FRMD4A: variants seen among roughly 807,000 people sequenced by gnomAD.
The protein encoded by FRMD4A is FERM domain-containing protein 4A.
In FRMD4A, 29 loss-of-function variants were observed where a neutral mutation model predicts 129.1. The ratio of observed to expected loss-of-function variants is 0.22; its 90% CI spans 0.17 to 0.31. The LOEUF (loss-of-function observed/expected upper bound fraction) is 0.31. Among genes scored for constraint, FRMD4A ranks in the 10% least tolerant of loss-of-function variants. The pLI is 1.00. For synonymous variants in FRMD4A, 634 were observed against 571.6 expected (o/e 1.11, Z -1.56); for missense variants, 1,272 against 1,375.8 (o/e 0.92, Z 1.19).
chr10:13,790,363 G>T (rs924407952), intron 5 of FRMD4A, among the ~76,000 whole-genome samples: 1 of 152,220 alleles, frequency 6.6e-6, no homozygotes, highest in African/African-American at 2.4e-5. Context: ...GAGAGGTCAG[G>T]ACTGGGGCAG....
Position 13,647,030 on chromosome 10 carries a change from T to C in FRMD4A, c.*8A>G. The stretch of plus-strand genomic sequence containing the variant: ...GGAATCCAGGAAACAGCTATCATTG[T>C]AGCTCCTGTGGGAGGCCCAAGAAAG... On this transcript the variant is annotated 3_prime_UTR_variant, in exon 25 of 25. Coordinates refer to ENST00000357447, the MANE Select transcript of FRMD4A (RefSeq NM_018027.5). 1 of 945,934 alleles carries C rather than the reference T, an allele frequency of 1.1e-6. No individual in the cohort carries two copies. The highest frequency in any genetic ancestry group is 4.9e-5 in the South Asian group (1 of 20,536). The allele number at this position is 945,934 out of a possible 1,614,324, so 58.6% of individuals were successfully genotyped here.
At chr10:13,713,806 TA>T (rs1180094198) in intron 12 of FRMD4A, among the ~76,000 whole-genome samples, 1 of 123,278 alleles carries the variant, frequency 8.1e-6, no homozygotes, top group Non-Finnish European at 1.6e-5. Context: ...GTAATATATA[TA>T]CACATATATA....
At chr10:13,865,984 G>C (rs995405755) in intron 2 of FRMD4A, among the ~76,000 whole-genome samples, 11 of 152,036 alleles carry the variant, frequency 7.2e-5, no homozygotes, top group African/African-American at 2.7e-4. Flanking sequence ...CATTTTTTTA[G>C]TCTAGTTACC....
intron 5 of FRMD4A, among the ~76,000 whole-genome samples, chr10:13,784,462 G>T (rs186278256): frequency 3.6e-4 from 55 of 152,324 alleles, no homozygotes; most frequent in African/African-American, 1.3e-3. Flanking sequence ...TTAGCTTCAA[G>T]AAGTTCTATT....
chr10:13,838,984 T>G (rs2093921045), intron 3 of FRMD4A, among the ~76,000 whole-genome samples: 1 of 138,020 alleles, frequency 7.2e-6, no homozygotes, highest in South Asian at 2.3e-4. Context: ...GCTGGAAGAA[T>G]AATTTCCTTT....
In FRMD4A at chr10:13,656,939, G is replaced by C. The variant is rs1257037139; in HGVS notation, c.2650C>G (p.Arg884Gly). ...TCGCCCTCGTCGCCGCCGCCGCCGC[G>C]CCAGCTCTCCTTGAACAGGCCGCCC... ...TAGGLFKESWRGGGGDEGDTG... is the reference protein window; with the variant it reads ...TAGGLFKESWGGGGGDEGDTG... Residue 884 changes from arginine to glycine, a missense_variant, in exon 22 of 25, where the codon CGC becomes GGC. Arg to Gly is a moderately radical substitution (Grantham distance 125). This residue lies in a region of FRMD4A where 972 missense variants were observed against 892.3 expected (regional missense o/e 1.09). Transcript: ENST00000357447. 2.6e-6 allele frequency: 4 copies of C among 1,516,600 alleles called. No individual in the cohort carries two copies. In the African/African-American group the frequency reaches 5.8e-5, roughly 22 times the overall value. The allele number at this position is 1,516,600 out of a possible 1,614,324, so 93.9% of individuals were successfully genotyped here. A position where few individuals can be genotyped will look rare whatever the true frequency, so the allele number is the denominator to read the frequency against.
At chr10:13,831,188 T>G (rs1588941322) in intron 3 of FRMD4A, among the ~76,000 whole-genome samples, 1 of 152,308 alleles carries the variant, frequency 6.6e-6, no homozygotes, top group Non-Finnish European at 1.5e-5. Context: ...CTACAGTCCC[T>G]GTGGAGTTTT....
intron 2 of FRMD4A, among the ~76,000 whole-genome samples, chr10:13,966,528 A>C (rs1385240949): frequency 1.3e-5 from 2 of 152,336 alleles, no homozygotes; most frequent in Non-Finnish European, 2.9e-5. Context: ...CCCCGTTGAG[A>C]AGAGACTGGA....
chr10:13,802,977 G>A (rs1268875632), intron 4 of FRMD4A, among the ~76,000 whole-genome samples: 2 of 151,982 alleles, frequency 1.3e-5, no homozygotes, highest in Non-Finnish European at 2.9e-5. Context: ...GTGAAACCCC[G>A]TCTCTACTAA....
intron 6 of FRMD4A, among the ~76,000 whole-genome samples, chr10:13,767,480 C>T (rs2092322937): frequency 6.6e-6 from 1 of 152,190 alleles, no homozygotes. Context: ...CTCAAGTGAT[C>T]CACCCACCTC....
At chr10:14,217,056 G>T (rs890221990) in intron 2 of FRMD4A, among the ~76,000 whole-genome samples, 11 of 152,128 alleles carry the variant, frequency 7.2e-5, no homozygotes, top group African/African-American at 2.7e-4. Flanking sequence ...GGCCTCCATG[G>T]GACTGACTCA....
Position 13,666,084 on chromosome 10 carries a change from G to T in FRMD4A, c.1603+13C>A, listed in dbSNP as rs750072034. On this transcript the variant is annotated intron_variant, in intron 18 of 24. Transcript: ENST00000357447. Reference sequence around the variant, plus strand: ...CGTGGGAGTGGGGTGGGGGCAGCCCGGTTGGCACTGACCGTCTATGATCAG... The same window carrying T: ...CGTGGGAGTGGGGTGGGGGCAGCCCTGTTGGCACTGACCGTCTATGATCAG... 6.5e-7 allele frequency: 1 copy of T among 1,540,608 alleles called. No homozygotes were observed. Among genetic ancestry groups the T allele is most frequent in the Non-Finnish European group, 9.0e-7 (1 of 1,113,266 alleles).
intron 11 of FRMD4A, among the ~76,000 whole-genome samples, chr10:13,739,036 A>G (rs1415619553): frequency 2.0e-5 from 3 of 152,236 alleles, no homozygotes; most frequent in Non-Finnish European, 4.4e-5. Context: ...TATAGTGAGC[A>G]TATCAAGCAG....
At chr10:14,108,606 G>A (rs1206779393) in intron 2 of FRMD4A, among the ~76,000 whole-genome samples, 2 of 152,148 alleles carry the variant, frequency 1.3e-5, no homozygotes, top group African/African-American at 4.8e-5. Context: ...ACCCAATTAG[G>A]GAGTCCTGTT....
chr10:13,672,981 T>C (rs949632535), intron 16 of FRMD4A, among the ~76,000 whole-genome samples: 1 of 152,234 alleles, frequency 6.6e-6, no homozygotes, highest in Non-Finnish European at 1.5e-5. Context: ...AGCTTTGTTT[T>C]CCTTCTTTTG....
At chr10:14,083,346 C>T (rs1836045519) in intron 2 of FRMD4A, 1 of 152,218 alleles carries the variant, frequency 6.6e-6, no homozygotes, top group African/African-American at 2.4e-5. Context: ...GTTGGGTAAC[C>T]AGCTCTGGTC....
intron 6 of FRMD4A, among the ~76,000 whole-genome samples, chr10:13,779,143 C>G (rs2092676297): frequency 6.6e-6 from 1 of 151,926 alleles, no homozygotes; most frequent in Non-Finnish European, 1.5e-5. Context: ...ACGGTGAAAC[C>G]CCATCTCTAC....
chr10:13,897,184 T>A (rs1042262190), intron 2 of FRMD4A, among the ~76,000 whole-genome samples: 11 of 152,216 alleles, frequency 7.2e-5, no homozygotes, highest in African/African-American at 2.7e-4. Context: ...CAGCTTGAGT[T>A]TAATACTTTT....
intron 2 of FRMD4A, among the ~76,000 whole-genome samples, chr10:14,147,251 C>A (rs1225506023): frequency 6.6e-6 from 1 of 151,978 alleles, no homozygotes; most frequent in East Asian, 2.0e-4. Flanking sequence ...TCAGAGCCAA[C>A]CCTGATGGTC....
Sources: gnomAD v4.1 joint callset for allele counts (sites outside exome capture counted in the v4.1 genomes callset) on GRCh38, gnomAD v4.1.1 for gene constraint, gnomAD v4.1.1 regional missense constraint, MANE v1.5 for transcripts, NCBI Gene and HGNC (gene_info 2026-07-23, HGNC 2026-07-21) for gene names.